SHROOM3: variants seen among roughly 807,000 people sequenced by gnomAD.
SHROOM3 encodes the protein shroom family member 3.
A neutral mutation model predicts 138.6 loss-of-function variants in SHROOM3; 47 were observed. The observed-to-expected ratio is 0.34, with a 90% CI of 0.27 to 0.43. The LOEUF is 0.43. Ranked by LOEUF, SHROOM3 falls within the 20% of genes least tolerant of loss-of-function variation. SHROOM3 has a pLI of 1.00. For synonymous variants in SHROOM3, 1,062 were observed against 1,063.3 expected (o/e 1.00, Z 0.02); for missense variants, 2,491 against 2,596.5 (o/e 0.96, Z 0.88).
chr4:76,729,469 T>G (rs1011426363), intron 3 of SHROOM3, among the ~76,000 whole-genome samples: 1 of 152,254 alleles, frequency 6.6e-6, no homozygotes, highest in East Asian at 1.9e-4. Flanking sequence ...ACAAGAACAT[T>G]TTCCTATCAC....
rs188233637 is a variant in SHROOM3, at chr4:76,556,069, A to G, written c.323+306A>G. ...TGATGAAAAGTGACACTCATCCCAG[A>G]TGCGGTCAGAGCTCTAATAAGCTTT... On this transcript the variant is annotated intron_variant, in intron 2 of 10. Coordinates refer to ENST00000296043, the MANE Select transcript of SHROOM3 (RefSeq NM_020859.4). Among the ~76,000 whole-genome samples the G allele has an allele frequency of 1.2e-4, 18 of 152,326 alleles. No homozygotes were observed. In the East Asian group the frequency reaches 2.9e-3, roughly 25 times the overall value.
intron 5 of SHROOM3, among the ~76,000 whole-genome samples, chr4:76,747,192 A>T (rs1721467481): frequency 6.6e-6 from 1 of 152,228 alleles, no homozygotes; most frequent in Non-Finnish European, 1.5e-5. Flanking sequence ...AAAATAAATC[A>T]GACACTTAAC....
At position 76,552,071 on chromosome 4, in the gene SHROOM3, C is replaced by T. The variant is rs553945205; in HGVS notation, c.169-3538C>T. On this transcript the variant is annotated intron_variant, in intron 1 of 10. Transcript: ENST00000296043. ...AGAGACGGGGTTTCACCGTGTTAGC[C>T]AGGATGGACTCGATCTCCTGACCTT... Among the ~76,000 whole-genome samples, 82 of 148,958 alleles carry T rather than the reference C, an allele frequency of 5.5e-4. 1 individual carries two copies. The East Asian group carries it at 0.01, about 19-fold the overall frequency.
chr4:76,724,432 GT>G (rs1207334792), intron 3 of SHROOM3, among the ~76,000 whole-genome samples: 1 of 151,396 alleles, frequency 6.6e-6, no homozygotes, highest in African/African-American at 2.4e-5. Context: ...AAAAATAGCT[GT>G]TTAATTTTTT....
At position 76,668,811 on chromosome 4, in the gene SHROOM3, C is replaced by A. The variant is rs192362220; in HGVS notation, c.324-41345C>A. Among the ~76,000 whole-genome samples, 190 of 152,296 alleles carry A rather than the reference C, an allele frequency of 1.2e-3. 1 individual carries two copies. Among genetic ancestry groups the A allele is most frequent in the Non-Finnish European group, 2.1e-3 (140 of 68,022 alleles). ...AGGTGTCTACTGAGAAGGGAAGCTGCTTCGTTACTCCAGGACTGTTTTCTT... is the reference window on the plus strand; with the variant it reads ...AGGTGTCTACTGAGAAGGGAAGCTGATTCGTTACTCCAGGACTGTTTTCTT... On this transcript the variant is annotated intron_variant, in intron 2 of 10. Coordinates refer to ENST00000296043, the MANE Select transcript of SHROOM3 (RefSeq NM_020859.4).
intron 8 of SHROOM3, 34 bp downstream of exon 8, chr4:76,756,971 C>G (rs756139784): frequency 2.5e-6 from 4 of 1,613,116 alleles, no homozygotes; most frequent in African/African-American, 2.7e-5. Flanking sequence ...GAGAGACTTA[C>G]AATCACACTC....
intron 3 of SHROOM3, among the ~76,000 whole-genome samples, chr4:76,723,618 C>T (rs1720614386): frequency 6.6e-6 from 1 of 152,126 alleles, no homozygotes; most frequent in South Asian, 2.1e-4. Flanking sequence ...CTGCCTCTCC[C>T]ACCTCATTGC....
At chr4:76,719,723 C>T (rs1051897424) in intron 3 of SHROOM3, among the ~76,000 whole-genome samples, 1 of 152,008 alleles carries the variant, frequency 6.6e-6, no homozygotes, top group Admixed American at 6.5e-5. Context: ...GTTGCTAGTC[C>T]CTCTCTTTTA....
chr4:76,620,070 C>CAA lies in SHROOM3; in HGVS notation c.323+64329_323+64330dup, dbSNP rs68039696. Among the ~76,000 whole-genome samples, 287 of 60,572 alleles carry CAA rather than the reference C, an allele frequency of 4.7e-3. 3 individuals are homozygous for CAA. Among genetic ancestry groups the CAA allele is most frequent in the African/African-American group, 8.2e-3 (135 of 16,470 alleles). 39.7% of individuals were successfully genotyped at this position (60,572 alleles called of 152,430 possible). On this transcript the variant is annotated intron_variant, in intron 2 of 10. Transcript: ENST00000296043. ...TGGGCAACAGAACAGGAATCTATCT[C>CAA]AAAAAAAAAAAAAAAAAAAAAAAGA...
In SHROOM3 at chr4:76,739,985, A is replaced by C; in HGVS notation, c.1812A>C (p.Lys604Asn). 6.2e-7 allele frequency: 1 copy of C among 1,614,060 alleles called. No individual in the cohort carries two copies. The highest frequency in any genetic ancestry group is 8.5e-7 in the Non-Finnish European group (1 of 1,180,028). The change falls in exon 5 of 11, where the codon AAA (lysine) becomes AAC (asparagine). Residue 604 changes from lysine to asparagine, a missense_variant. Physicochemically the swap from Lys to Asn is moderately conservative, Grantham distance 94. Coordinates refer to ENST00000296043, the MANE Select transcript of SHROOM3 (RefSeq NM_020859.4). ...CATCTTCTCATCCCCACAGCCTCAA[A>C]TGCCCTCAGGCTCAGGCCTGGCAAG... The part of the protein sequence containing the change: ...NKPSSHPHSL[K>N]CPQAQAWQAG...
intron 1 of SHROOM3, among the ~76,000 whole-genome samples, chr4:76,523,942 G>C (rs1301953580): frequency 1.3e-5 from 2 of 152,184 alleles, no homozygotes; most frequent in African/African-American, 2.4e-5. Context: ...CATGAAGACT[G>C]GGGGAGCTGT....
intron 1 of SHROOM3, among the ~76,000 whole-genome samples, chr4:76,489,314 A>G (rs140976531): frequency 6.6e-6 from 1 of 152,208 alleles, no homozygotes; most frequent in Non-Finnish European, 1.5e-5. Context: ...GAAACTGACA[A>G]AGAAGTCAAA....
At chr4:76,466,542 T>A (rs1270315420) in intron 1 of SHROOM3, among the ~76,000 whole-genome samples, 2 of 152,220 alleles carry the variant, frequency 1.3e-5, no homozygotes, top group Non-Finnish European at 2.9e-5. Context: ...AGGTAACAAG[T>A]CACTGCCAAC....
chr4:76,605,931 C>A (rs59162206), intron 2 of SHROOM3, among the ~76,000 whole-genome samples: 8,466 of 138,688 alleles, frequency 0.061, 291 homozygotes, highest in South Asian at 0.076. Flanking sequence ...CTCTCTCTCT[C>A]TCTATATATA....
chr4:76,696,335 C>T (rs937913056), intron 2 of SHROOM3, among the ~76,000 whole-genome samples: 1 of 152,174 alleles, frequency 6.6e-6, no homozygotes, highest in Non-Finnish European at 1.5e-5. Flanking sequence ...CCCTTTGTGT[C>T]GGTTCCCATG....
Position 76,740,800 on chromosome 4 carries a change from G to A in SHROOM3, c.2627G>A (p.Arg876His). 2 of 1,609,542 alleles carry A rather than the reference G, an allele frequency of 1.2e-6. No individual in the cohort carries two copies. Among genetic ancestry groups the A allele is most frequent in the African/African-American group, 1.3e-5 (1 of 74,938 alleles). Reference sequence around the variant, plus strand: ...AGCGGAGGAGCGTCGGACAGCGGCCGTGGCCCCCAGAGGCCGGACGCTCGG... The same window carrying A: ...AGCGGAGGAGCGTCGGACAGCGGCCATGGCCCCCAGAGGCCGGACGCTCGG... ...QLSGGASDSGRGPQRPDARLL... is the reference protein window; with the variant it reads ...QLSGGASDSGHGPQRPDARLL... The change falls in exon 5 of 11, where the codon CGT (arginine) becomes CAT (histidine). Residue 876 changes from arginine (R) to histidine (H), a missense_variant. Arg to His is a conservative substitution (Grantham distance 29). This residue lies in a region of SHROOM3 where 1,733 missense variants were observed against 1,661.6 expected (regional missense o/e 1.04). Coordinates refer to ENST00000296043, the MANE Select transcript of SHROOM3 (RefSeq NM_020859.4). The surrounding 1 kb of genome is among the most constrained non-coding windows in gnomAD (Gnocchi z 4.0).
chr4:76,460,827 C>CAAAAAAAAAAAAAAAAAAAAA (rs58793404), intron 1 of SHROOM3, among the ~76,000 whole-genome samples: 4 of 78,770 alleles, frequency 5.1e-5, no homozygotes, highest in African/African-American at 8.5e-5. Flanking sequence ...CCCGTATCTA[C>CAAAAAAAAAAAAAAAAAAAAA]AAAAAAAAAA....
intron 5 of SHROOM3, among the ~76,000 whole-genome samples, chr4:76,746,012 C>A (rs1721424461): frequency 6.6e-6 from 1 of 152,128 alleles, no homozygotes; most frequent in Non-Finnish European, 1.5e-5. Context: ...TTATTCCTCA[C>A]ATCTGTGCAA....
chr4:76,761,628 T>C (rs1336751762), intron 9 of SHROOM3, among the ~76,000 whole-genome samples: 1 of 152,192 alleles, frequency 6.6e-6, no homozygotes, highest in African/African-American at 2.4e-5. Context: ...CTTGCTGCCC[T>C]GGGAACTGAG....
Sources: allele counts gnomAD v4.1 joint callset (sites outside exome capture counted in the v4.1 genomes callset), GRCh38; gene constraint gnomAD v4.1.1; regional missense constraint gnomAD v4.1.1; non-coding constraint Gnocchi (gnomAD v3.1); transcripts MANE v1.5; gene names NCBI Gene and HGNC (gene_info 2026-07-23, HGNC 2026-07-21).